Variants in PPARGC1A observed in about 807,000 individuals in gnomAD.
PPARGC1A encodes the protein peroxisome proliferator-activated receptor gamma coactivator 1-alpha.
In PPARGC1A, 25 loss-of-function variants were observed where a neutral mutation model predicts 88.7. That is an observed-to-expected ratio of 0.28 (90% CI 0.21 to 0.39). The LOEUF is 0.39. PPARGC1A is among the 10% of genes least tolerant of loss of function. PPARGC1A has a pLI of 1.00. For missense variants in PPARGC1A, 880 were observed against 968.7 expected (o/e 0.91, Z 1.22); for synonymous variants, 363 against 355.6 (o/e 1.02, Z -0.24).
the PPARGC1A span, among the ~76,000 whole-genome samples, chr4:24,453,284 C>T: frequency 1.7e-4 from 26 of 152,294 alleles, no homozygotes; most frequent in African/African-American, 6.0e-4. Flanking sequence ...ACACCGAGCC[C>T]GTGGTACTTG....
intron 2 of PPARGC1A, among the ~76,000 whole-genome samples, chr4:23,854,444 A>G (rs892059893): frequency 1.4e-4 from 22 of 152,192 alleles, no homozygotes; most frequent in African/African-American, 4.8e-5. Context: ...TCCAGACTTC[A>G]TATAAAATTT....
the PPARGC1A span, among the ~76,000 whole-genome samples, chr4:24,460,413 GA>G: frequency 3.3e-5 from 5 of 152,150 alleles, no homozygotes; most frequent in Non-Finnish European, 7.3e-5. Context: ...CTAGCACAGT[GA>G]AAGAATGAAT....
chr4:23,916,332 A>G, the PPARGC1A span, among the ~76,000 whole-genome samples: 1 of 152,148 alleles, frequency 6.6e-6, no homozygotes, highest in African/African-American at 2.4e-5. Context: ...TTTTCATGGA[A>G]GAATATATTC....
chr4:24,433,137 G>A, the PPARGC1A span, among the ~76,000 whole-genome samples: 1 of 152,134 alleles, frequency 6.6e-6, no homozygotes, highest in Non-Finnish European at 1.5e-5. Flanking sequence ...GTCCACCTGG[G>A]TAATAGCTAA....
At chr4:24,121,917 C>G in the PPARGC1A span, among the ~76,000 whole-genome samples, 1 of 152,156 alleles carries the variant, frequency 6.6e-6, no homozygotes, top group African/African-American at 2.4e-5. Context: ...ACTCGAGTTC[C>G]CTTTGTTCCT....
chr4:24,039,850 A>C, the PPARGC1A span, among the ~76,000 whole-genome samples: 239 of 152,196 alleles, frequency 1.6e-3, no homozygotes, highest in Non-Finnish European at 2.7e-3. Flanking sequence ...TGCTGCCACC[A>C]CCACCACCAC....
chr4:24,072,451 A>G, the PPARGC1A span, among the ~76,000 whole-genome samples: 1 of 151,842 alleles, frequency 6.6e-6, no homozygotes, highest in Non-Finnish European at 1.5e-5. Flanking sequence ...CATATTTTCT[A>G]TTTCTGCCTC....
the PPARGC1A span, among the ~76,000 whole-genome samples, chr4:24,302,817 G>A: frequency 1.3e-5 from 2 of 152,180 alleles, no homozygotes; most frequent in East Asian, 3.9e-4. Flanking sequence ...TAAGGTTAAG[G>A]GAAGACAAAT....
chr4:24,252,783 A>C, the PPARGC1A span, among the ~76,000 whole-genome samples: 1 of 152,228 alleles, frequency 6.6e-6, no homozygotes, highest in Admixed American at 6.5e-5. Context: ...CTTCTGTCAA[A>C]TGTTATCATC....
At chr4:24,423,612 G>T in the PPARGC1A span, among the ~76,000 whole-genome samples, 1 of 152,142 alleles carries the variant, frequency 6.6e-6, no homozygotes, top group East Asian at 1.9e-4. Context: ...TAAAAAGTTT[G>T]AGTTGAGTTT....
chr4:24,471,203 C>G, the PPARGC1A span, among the ~76,000 whole-genome samples: 2 of 151,948 alleles, frequency 1.3e-5, no homozygotes, highest in Non-Finnish European at 1.5e-5. The surrounding 1 kb of genome is among the most constrained non-coding windows in gnomAD (Gnocchi z 5.4). Flanking sequence ...CCGCGGGGCC[C>G]GGGAATCCCC....
At chr4:24,194,622 A>ACG in the PPARGC1A span, among the ~76,000 whole-genome samples, 2,816 of 38,554 alleles carry the variant, frequency 0.073, 35 homozygotes, top group Non-Finnish European at 0.12. Context: ...ACGCGCGCGC[A>ACG]CGCGCGCGCA....
the PPARGC1A span, among the ~76,000 whole-genome samples, chr4:24,267,659 T>A: frequency 1.3e-5 from 2 of 152,188 alleles, no homozygotes; most frequent in Non-Finnish European, 2.9e-5. Context: ...TGATTAGCAT[T>A]TTATACTCAT....
At chr4:23,824,793 G>C (rs191484958) in intron 5 of PPARGC1A, among the ~76,000 whole-genome samples, 91 of 152,164 alleles carry the variant, frequency 6.0e-4, no homozygotes, top group South Asian at 1.5e-3. Context: ...TACCATCAGA[G>C]AGAAATAATG....
chr4:24,422,487 C>T, the PPARGC1A span, among the ~76,000 whole-genome samples: 3 of 152,176 alleles, frequency 2.0e-5, no homozygotes, highest in South Asian at 4.2e-4. Context: ...CTAAGCTTTC[C>T]ATCTTTCATT....
chr4:24,392,417 C>T, the PPARGC1A span, among the ~76,000 whole-genome samples: 2 of 152,188 alleles, frequency 1.3e-5, no homozygotes, highest in Non-Finnish European at 2.9e-5. Flanking sequence ...TGCCTCATGC[C>T]TGTTGCCCCT....
At chr4:24,022,617 A>G in the PPARGC1A span, among the ~76,000 whole-genome samples, 1 of 152,136 alleles carries the variant, frequency 6.6e-6, no homozygotes, top group Admixed American at 6.5e-5. Flanking sequence ...GTGAGACAGG[A>G]GCAGGGCCTC....
At chr4:24,268,545 T>C in the PPARGC1A span, among the ~76,000 whole-genome samples, 151 of 152,308 alleles carry the variant, frequency 9.9e-4, no homozygotes, top group Admixed American at 2.6e-3. Flanking sequence ...ACAAGGTGCA[T>C]GCAGGAACAA....
chr4:24,238,073 A>C, the PPARGC1A span, among the ~76,000 whole-genome samples: 1 of 152,194 alleles, frequency 6.6e-6, no homozygotes, highest in Admixed American at 6.5e-5. Flanking sequence ...AATAAGCGGC[A>C]GTCATGTTTT....
Sources: gnomAD v4.1 joint callset for allele counts (sites outside exome capture counted in the v4.1 genomes callset) on GRCh38, gnomAD v4.1.1 for gene constraint, Gnocchi (gnomAD v3.1) non-coding constraint, MANE v1.5 for transcripts, NCBI Gene and HGNC (gene_info 2026-07-23, HGNC 2026-07-21) for gene names.